Variants in NAALADL2 observed in about 807,000 individuals in gnomAD.
NAALADL2 encodes the protein inactive N-acetylated-alpha-linked acidic dipeptidase-like protein 2.
Under a neutral mutation model 87.2 loss-of-function variants are expected in NAALADL2, and 76 were observed. The ratio of observed to expected loss-of-function variants is 0.87; its 90% CI spans 0.72 to 1.05. NAALADL2 has a LOEUF of 1.05. NAALADL2 is among the 50% of genes least tolerant of loss of function. The probability of loss-of-function intolerance (pLI) is 0.00; values close to 1 mark genes in which losing one functional copy is unlikely to be tolerated. For missense variants in NAALADL2, 1,089 were observed against 945.8 expected, an observed-to-expected ratio of 1.15 and a Z score of -1.99; for synonymous variants, 354 against 331.0, an observed-to-expected ratio of 1.07 and a Z score of -0.75.
intron 5 of NAALADL2, among the ~76,000 whole-genome samples, chr3:175,358,861 TA>T (rs2148900820): frequency 6.6e-6 from 1 of 152,198 alleles, no homozygotes; most frequent in African/African-American, 2.4e-5. Context: ...GTCAATAGGT[TA>T]AAAGGTTTAG....
rs572507061 is a variant in NAALADL2, at chr3:174,910,107, T to A, written c.43+50657T>A. Reference sequence around the variant, plus strand: ...TGTTCATCAGAGATTTTAATCAGAATGTAGTTGATTTTTTAGAGATTGGCT... The same window carrying A: ...TGTTCATCAGAGATTTTAATCAGAAAGTAGTTGATTTTTTAGAGATTGGCT... On this transcript the variant is annotated intron_variant, in intron 1 of 13. Transcript: ENST00000454872. 2.4e-3 allele frequency among the ~76,000 whole-genome samples: 364 copies of A among 152,152 alleles called. 2 individuals are homozygous for A. The highest frequency in any genetic ancestry group is 0.017 in the Middle Eastern group (5 of 292).
chr3:174,700,852 G>C (rs1729481528), intron 2 of NAALADL2, among the ~76,000 whole-genome samples: 2 of 152,160 alleles, frequency 1.3e-5, no homozygotes, highest in African/African-American at 4.8e-5. Flanking sequence ...TCCCTGAGGA[G>C]GTAGAAATTG....
At chr3:175,406,120 T>G (rs760762429) in intron 5 of NAALADL2, among the ~76,000 whole-genome samples, 2 of 152,190 alleles carry the variant, frequency 1.3e-5, no homozygotes, top group Non-Finnish European at 2.9e-5. Context: ...CGGTCATGAT[T>G]ACTACTAGGA....
chr3:175,200,042 C>A (rs1739799887), intron 2 of NAALADL2, among the ~76,000 whole-genome samples: 1 of 151,188 alleles, frequency 6.6e-6, no homozygotes, highest in Non-Finnish European at 1.5e-5. Context: ...GTTCAGCTGG[C>A]ATGATTCTGT....
At chr3:175,014,210 A>G (rs1411852186) in intron 1 of NAALADL2, among the ~76,000 whole-genome samples, 1 of 151,942 alleles carries the variant, frequency 6.6e-6, no homozygotes, top group African/African-American at 2.4e-5. Flanking sequence ...CGTCACCTCT[A>G]GGTCTTTGCC....
intron 3 of NAALADL2, among the ~76,000 whole-genome samples, chr3:174,836,916 T>C (rs894056462): frequency 6.6e-6 from 1 of 152,004 alleles, no homozygotes; most frequent in South Asian, 2.1e-4. Context: ...TTTGCAACCT[T>C]GGGTTCAACA....
intron 1 of NAALADL2, among the ~76,000 whole-genome samples, chr3:174,894,482 C>T (rs1176809706): frequency 2.0e-5 from 3 of 150,964 alleles, no homozygotes; most frequent in Admixed American, 6.6e-5. Flanking sequence ...TGGTCCCAGA[C>T]ACTTGGGAGG....
In NAALADL2 at chr3:174,942,036, T is replaced by C. The variant is rs377212578; in HGVS notation, c.43+82586T>C. On this transcript the variant is annotated intron_variant, in intron 1 of 13. Transcript: ENST00000454872. ...GTATTGTTATATGTGGATTTGAGTC[T>C]GTCATGGTGTTGTTAGCTGGTTATT... Among the ~76,000 whole-genome samples the C allele has an allele frequency of 1.6e-4, 24 of 152,306 alleles. 1 individual carries two copies. In the East Asian group the frequency reaches 2.9e-3, roughly 18 times the overall value.
At chr3:174,611,768 T>A (rs951330195) in intron 2 of NAALADL2, among the ~76,000 whole-genome samples, 6 of 151,736 alleles carry the variant, frequency 4.0e-5, no homozygotes, top group African/African-American at 1.5e-4. Context: ...TTTTTGTATT[T>A]TTTTTTTTAG....
chr3:175,038,046 G>T (rs946173171), intron 1 of NAALADL2, among the ~76,000 whole-genome samples: 1 of 152,230 alleles, frequency 6.6e-6, no homozygotes. Context: ...GAGAGGAAGA[G>T]AAATATGACA....
chr3:174,565,276 C>A (rs933521497), intron 2 of NAALADL2, among the ~76,000 whole-genome samples: 2 of 152,040 alleles, frequency 1.3e-5, no homozygotes, highest in African/African-American at 4.8e-5. Context: ...CATTGCAATA[C>A]CACACAGTAT....
intron 9 of NAALADL2, among the ~76,000 whole-genome samples, chr3:175,503,356 A>C (rs185388101): frequency 2.7e-3 from 407 of 152,180 alleles, no homozygotes; most frequent in Non-Finnish European, 4.7e-3. Context: ...TGATTCCATG[A>C]CTTTGCTATT....
At chr3:175,563,704 A>C (rs576926913) in intron 9 of NAALADL2, among the ~76,000 whole-genome samples, 2 of 152,336 alleles carry the variant, frequency 1.3e-5, no homozygotes, top group South Asian at 4.1e-4. Context: ...GGAGAGGCAG[A>C]AAAAATACAA....
At chr3:175,672,339 A>G (rs992584761) in intron 11 of NAALADL2, among the ~76,000 whole-genome samples, 2 of 152,038 alleles carry the variant, frequency 1.3e-5, no homozygotes, top group Non-Finnish European at 2.9e-5. Flanking sequence ...TTACTTTGCT[A>G]TTTTTATGCT....
chr3:175,531,070 A>G (rs974575052), intron 9 of NAALADL2, among the ~76,000 whole-genome samples: 1 of 152,162 alleles, frequency 6.6e-6, no homozygotes, highest in African/African-American at 2.4e-5. Context: ...TGATACCTCA[A>G]GCACCATTGG....
chr3:174,793,003 A>G (rs1717645834), intron 3 of NAALADL2, among the ~76,000 whole-genome samples: 3 of 152,122 alleles, frequency 2.0e-5, no homozygotes, highest in African/African-American at 7.2e-5. Flanking sequence ...TTATCTTCCT[A>G]CAAAATATGT....
At chr3:174,784,962 T>C (rs1716418716) in intron 3 of NAALADL2, among the ~76,000 whole-genome samples, 1 of 152,334 alleles carries the variant, frequency 6.6e-6, no homozygotes, top group East Asian at 1.9e-4. Context: ...AAAAAGTGAA[T>C]AGGAGAGGAC....
intron 1 of NAALADL2, among the ~76,000 whole-genome samples, chr3:174,935,429 A>G (rs190642175): frequency 4.6e-5 from 7 of 152,200 alleles, no homozygotes; most frequent in Non-Finnish European, 8.8e-5. Flanking sequence ...AACAGACCTT[A>G]GAGATATACT....
chr3:175,394,796 A>C (rs935790787), intron 5 of NAALADL2, among the ~76,000 whole-genome samples: 4 of 152,198 alleles, frequency 2.6e-5, no homozygotes, highest in Admixed American at 6.5e-5. Context: ...CATATTTACT[A>C]AGCACTAATC....
Sources: gnomAD v4.1 joint callset for allele counts (sites outside exome capture counted in the v4.1 genomes callset) on GRCh38, gnomAD v4.1.1 for gene constraint, MANE v1.5 for transcripts, NCBI Gene and HGNC (gene_info 2026-07-23, HGNC 2026-07-21) for gene names.